The following SYNJ1 variants were observed in gnomAD, a reference collection of about 807,000 sequenced individuals.
The protein encoded by SYNJ1 is polyphosphatidylinositol phosphatase SYNJ1.
Under a neutral mutation model 168.2 loss-of-function variants are expected in SYNJ1, and 78 were observed. The ratio of observed to expected loss-of-function variants is 0.46; its 90% CI spans 0.39 to 0.56. SYNJ1 has a LOEUF of 0.56. Among genes scored for constraint, SYNJ1 ranks in the 20% least tolerant of loss-of-function variants. The probability of loss-of-function intolerance (pLI) is 0.00; values close to 1 mark genes in which losing one functional copy is unlikely to be tolerated. For missense variants in SYNJ1, 1,303 were observed against 1,597.6 expected (o/e 0.82, Z 3.14); for synonymous variants, 539 against 548.6 (o/e 0.98, Z 0.24).
intron 30 of SYNJ1, 103 bp from the exon 31 acceptor site, chr21:32,639,228 C>T: frequency 9.5e-7 from 1 of 1,050,034 alleles, no homozygotes; most frequent in South Asian, 1.7e-5. Flanking sequence ...ATTTCTTCCC[C>T]CAATAAGTAG....
In SYNJ1 at chr21:32,631,685, C is replaced by T. The variant is rs377721268; in HGVS notation, c.*120G>A. 3.2e-5 allele frequency: 51 copies of T among 1,614,026 alleles called. No individual in the cohort carries two copies. Among genetic ancestry groups the T allele is most frequent in the Non-Finnish European group, 4.0e-5 (47 of 1,180,044 alleles). On this transcript the variant is annotated 3_prime_UTR_variant, in exon 33 of 33. Transcript: ENST00000674351. Reference sequence around the variant, plus strand: ...TTGGGTCTGGGGTGGGAACAGGTGACGTTTGAACAGATAGCTGAGCCTTTG... The same window carrying T: ...TTGGGTCTGGGGTGGGAACAGGTGATGTTTGAACAGATAGCTGAGCCTTTG...
chr21:32,717,074 C>T (rs1021116779), intron 2 of SYNJ1, among the ~76,000 whole-genome samples: 6 of 152,086 alleles, frequency 3.9e-5, no homozygotes, highest in African/African-American at 1.2e-4. Flanking sequence ...ATTCTCCTGC[C>T]TCAGCCTCTC....
intron 2 of SYNJ1, among the ~76,000 whole-genome samples, chr21:32,712,616 G>C (rs530742280): frequency 1.3e-5 from 2 of 152,094 alleles, no homozygotes; most frequent in East Asian, 3.9e-4. Context: ...CAGGCCCCTG[G>C]CAAGGTTCTA....
rs2039326240 is a variant in SYNJ1 at position 32,631,521 on chromosome 21, C to A, written c.*284G>T. The A allele has an allele frequency of 6.2e-7, 1 of 1,614,060 alleles. No homozygotes were observed. The highest frequency in any genetic ancestry group is 2.2e-5 in the East Asian group (1 of 44,880). On this transcript the variant is annotated 3_prime_UTR_variant, in exon 33 of 33. Transcript: ENST00000674351. ...ACTGAAAGGATTTGTCCTGGTCAAG[C>A]CAGTAATAAATGGGTTTGGAGAACT... is the stretch of plus-strand genomic sequence containing the variant.
chr21:32,664,761 T>C (rs2040857950), intron 18 of SYNJ1, 152 bp downstream of exon 18: 3 of 613,552 alleles, frequency 4.9e-6, no homozygotes, highest in Non-Finnish European at 7.8e-6. Context: ...CCTGCTACAC[T>C]TTAAGGAAAG....
chr21:32,727,626 G>C (rs1356451571), intron 1 of SYNJ1, among the ~76,000 whole-genome samples: 2 of 152,178 alleles, frequency 1.3e-5, no homozygotes, highest in Non-Finnish European at 1.5e-5. Flanking sequence ...CTCCTTCTCG[G>C]AGAGACGGAA....
chr21:32,645,674 A>T lies in SYNJ1; in HGVS notation c.3363T>A (p.Ala1121=). ...PRPVAPPTRP[A]PPQRPPPPSG... is the part of the protein sequence containing the mutation. ...AAGGCGGAGGAGGTCTCTGTGGGGG[A>T]GCCGGGCGTGTGGGAGGGGCGACCG... The change falls in exon 25 of 33, where the codon GCT becomes GCA. Residue 1121 remains alanine (A), a synonymous_variant. Coordinates refer to ENST00000674351, the MANE Select transcript of SYNJ1 (RefSeq NM_203446.3). 1 of 1,518,774 alleles carries T rather than the reference A, an allele frequency of 6.6e-7. No individual in the cohort carries two copies. Among genetic ancestry groups the T allele is most frequent in the Non-Finnish European group, 8.8e-7 (1 of 1,138,714 alleles). 94.1% of individuals were successfully genotyped at this position (1,518,774 alleles called of 1,614,324 possible).
chr21:32,654,421 G>C (rs2040387742), intron 21 of SYNJ1, among the ~76,000 whole-genome samples: 1 of 152,128 alleles, frequency 6.6e-6, no homozygotes, highest in African/African-American at 2.4e-5. Context: ...GAAATACACA[G>C]GGAGACCATT....
chr21:32,682,833 T>A (rs2146059808), intron 10 of SYNJ1, among the ~76,000 whole-genome samples: 1 of 152,300 alleles, frequency 6.6e-6, no homozygotes, highest in South Asian at 2.1e-4. Flanking sequence ...CATGTACATT[T>A]ATTCAGCCAC....
At chr21:32,712,620 G>A (rs1345696046) in intron 2 of SYNJ1, among the ~76,000 whole-genome samples, 1 of 151,902 alleles carries the variant, frequency 6.6e-6, no homozygotes, top group African/African-American at 2.4e-5. Flanking sequence ...CCCCTGGCAA[G>A]GTTCTAGGAA....
intron 2 of SYNJ1, among the ~76,000 whole-genome samples, chr21:32,705,873 A>G (rs2042588480): frequency 6.6e-6 from 1 of 152,130 alleles, no homozygotes. Context: ...TGGGGTCCCA[A>G]CTACTCAGGA....
intron 2 of SYNJ1, among the ~76,000 whole-genome samples, chr21:32,722,958 C>T (rs1490492587): frequency 6.6e-6 from 1 of 152,212 alleles, no homozygotes; most frequent in East Asian, 1.9e-4. Context: ...AAGCAATCCC[C>T]TAATCTATCA....
Position 32,643,474 on chromosome 21 carries a change from C to T in SYNJ1, c.3431-17G>A. ...CTCCAATACCTTTTTAGAGAAAGAA[C>T]AGAAACTATATATTGTTCAGGGCCC... On this transcript the variant is annotated splice_polypyrimidine_tract_variant and intron_variant, in intron 26 of 32. Transcript: ENST00000674351. The T allele has an allele frequency of 6.2e-7, 1 of 1,612,858 alleles. No individual in the cohort carries two copies. Among genetic ancestry groups the T allele is most frequent in the South Asian group, 1.1e-5 (1 of 91,016 alleles).
At chr21:32,641,174 T>C (rs1227448748) in intron 29 of SYNJ1, among the ~76,000 whole-genome samples, 2 of 152,206 alleles carry the variant, frequency 1.3e-5, no homozygotes, top group African/African-American at 4.8e-5. Flanking sequence ...CTAGGTACAG[T>C]AATAGCTCTC....
intron 2 of SYNJ1, among the ~76,000 whole-genome samples, chr21:32,703,482 CTCG>C (rs2042485585): frequency 6.6e-6 from 1 of 152,218 alleles, no homozygotes; most frequent in Admixed American, 6.5e-5. Flanking sequence ...TAAATACTGC[CTCG>C]TTAAGAGTAC....
At position 32,630,994 on chromosome 21, in the gene SYNJ1, G is replaced by A. The variant is rs143739621; in HGVS notation, c.*811C>T. Reference sequence around the variant, plus strand: ...TACCCACTGTTTTCTATTGCATGGCGTTATCTTTCTGTAAAGTCCAGTGTG... The same window carrying A: ...TACCCACTGTTTTCTATTGCATGGCATTATCTTTCTGTAAAGTCCAGTGTG... On this transcript the variant is annotated 3_prime_UTR_variant, in exon 33 of 33. Transcript: ENST00000674351. 1.9e-5 allele frequency: 30 copies of A among 1,609,328 alleles called. No homozygotes were observed. The highest frequency in any genetic ancestry group is 4.5e-5 in the East Asian group (2 of 44,790).
At chr21:32,710,542 C>T (rs1456135242) in intron 2 of SYNJ1, among the ~76,000 whole-genome samples, 7 of 150,916 alleles carry the variant, frequency 4.6e-5, no homozygotes, top group Admixed American at 3.3e-4. Context: ...TTTTTTTTTC[C>T]CAAACAGGAT....
intron 2 of SYNJ1, among the ~76,000 whole-genome samples, chr21:32,721,775 G>T (rs956025339): frequency 3.5e-4 from 54 of 152,130 alleles, no homozygotes; most frequent in African/African-American, 1.3e-3. Flanking sequence ...CATTTCAGAA[G>T]AACCTTAATA....
chr21:32,719,583 G>A (rs2043144653), intron 2 of SYNJ1, among the ~76,000 whole-genome samples: 1 of 151,770 alleles, frequency 6.6e-6, no homozygotes, highest in Non-Finnish European at 1.5e-5. Context: ...GTGTGGTAGC[G>A]GGTGCCTGCA....
Sources: allele counts gnomAD v4.1 joint callset (sites outside exome capture counted in the v4.1 genomes callset), GRCh38; gene constraint gnomAD v4.1.1; transcripts MANE v1.5; gene names NCBI Gene and HGNC (gene_info 2026-07-23, HGNC 2026-07-21).